The following PHACTR3 variants were observed in gnomAD, a reference collection of about 807,000 sequenced individuals.
PHACTR3 encodes protein phosphatase 1, regulatory subunit 123.
A neutral mutation model predicts 66.8 loss-of-function variants in PHACTR3; 16 were observed. The ratio of observed to expected loss-of-function variants is 0.24; its 90% CI spans 0.16 to 0.36. The LOEUF is 0.36. PHACTR3 is among the 10% of genes least tolerant of loss of function. The probability of loss-of-function intolerance (pLI) is 1.00; values close to 1 mark genes in which losing one functional copy is unlikely to be tolerated. For missense variants in PHACTR3, 647 were observed against 719.9 expected, an observed-to-expected ratio of 0.90 and a Z score of 1.16; for synonymous variants, 323 against 292.1, an observed-to-expected ratio of 1.11 and a Z score of -1.08.
intron 7 of PHACTR3, among the ~76,000 whole-genome samples, chr20:59,789,427 G>C (rs1353828688): frequency 2.0e-5 from 3 of 152,148 alleles, no homozygotes; most frequent in Admixed American, 1.3e-4. Flanking sequence ...GGTGCTAGGA[G>C]ATGTTGGGAG....
rs559431912 is a variant in PHACTR3 at position 59,738,038 on chromosome 20, G to A, written c.119-5069G>A. Among the ~76,000 whole-genome samples the A allele has an allele frequency of 3.7e-4, 57 of 152,230 alleles. No homozygotes were observed. Among genetic ancestry groups the A allele is most frequent in the Non-Finnish European group, 6.6e-4 (45 of 68,016 alleles). On this transcript the variant is annotated intron_variant, in intron 1 of 12. Transcript: ENST00000371015. The surrounding 1 kb of genome is among the most constrained non-coding windows in gnomAD (Gnocchi z 4.4). ...TGATTAAAATAGTGCAGGTAGTGACGGTGGTCCTGGCAGTGATGGTGGTAG... is the reference window on the plus strand; with the variant it reads ...TGATTAAAATAGTGCAGGTAGTGACAGTGGTCCTGGCAGTGATGGTGGTAG...
chr20:59,818,476 G>A (rs937210090), intron 8 of PHACTR3, among the ~76,000 whole-genome samples: 2 of 152,212 alleles, frequency 1.3e-5, no homozygotes, highest in African/African-American at 2.4e-5. Context: ...CATGCTTCAC[G>A]CACTTTAAGT....
upstream of PHACTR3, among the ~76,000 whole-genome samples, chr20:59,600,666 G>A (rs183580480): frequency 3.1e-3 from 479 of 152,326 alleles, 1 homozygote; most frequent in Non-Finnish European, 4.0e-3. Context: ...GGTTTTGTGA[G>A]TTTTGAAAGG....
upstream of PHACTR3, among the ~76,000 whole-genome samples, chr20:59,600,380 T>C (rs767064596): frequency 2.0e-5 from 3 of 152,250 alleles, no homozygotes; most frequent in Non-Finnish European, 4.4e-5. Flanking sequence ...GTGGTATTCC[T>C]GGCAAAGTGA....
rs193224943 is a variant in PHACTR3, at chr20:59,781,524, C to T, written c.1174+7034C>T. Among the ~76,000 whole-genome samples the T allele has an allele frequency of 1.5e-4, 23 of 152,298 alleles. No homozygotes were observed. In the East Asian group the frequency reaches 2.3e-3, roughly 15 times the overall value. The stretch of plus-strand genomic sequence containing the variant: ...GTTGTCCTGGGGGCGGATGAGACAA[C>T]GCTCATGGAGGGCCTGGCCTGTGTG... On this transcript the variant is annotated intron_variant, in intron 7 of 12. Transcript: ENST00000371015.
chr20:59,654,243 T>C (rs1269399310), intron 1 of PHACTR3, among the ~76,000 whole-genome samples: 1 of 152,240 alleles, frequency 6.6e-6, no homozygotes, highest in African/African-American at 2.4e-5. Context: ...AAACAAGCTT[T>C]TATTCTGCCT....
At chr20:59,729,477 A>G (rs551625980) in intron 1 of PHACTR3, among the ~76,000 whole-genome samples, 9 of 152,210 alleles carry the variant, frequency 5.9e-5, no homozygotes, top group African/African-American at 1.9e-4. Flanking sequence ...GACCAGAGAC[A>G]CCTTAGTGTC....
At chr20:59,746,488 A>G (rs946795003) in intron 2 of PHACTR3, among the ~76,000 whole-genome samples, 1 of 152,192 alleles carries the variant, frequency 6.6e-6, no homozygotes, top group Non-Finnish European at 1.5e-5. Context: ...ACACCTGATC[A>G]CCATGGCCTG....
chr20:59,585,958 CAT>C (rs1477150215), intron 1 of PHACTR3, among the ~76,000 whole-genome samples: 1 of 152,220 alleles, frequency 6.6e-6, no homozygotes, highest in East Asian at 1.9e-4. Flanking sequence ...CTCCTGAAAA[CAT>C]GTCGTATTTT....
Position 59,774,548 on chromosome 20 carries a change from A to G in PHACTR3, c.1174+58A>G. On this transcript the variant is annotated intron_variant, in intron 7 of 12. Transcript: ENST00000371015. ...TCTCGGCCAGAGGTCTAGTGTCACC[A>G]GGGGGTCGAGGACAGAGCTCGTGCC... 1.9e-6 allele frequency: 3 copies of G among 1,574,252 alleles called. 1 individual carries two copies. The South Asian group carries it at 3.6e-5, about 19-fold the overall frequency.
intron 1 of PHACTR3, among the ~76,000 whole-genome samples, chr20:59,634,254 T>G (rs1419324964): frequency 6.6e-6 from 1 of 152,222 alleles, no homozygotes; most frequent in Non-Finnish European, 1.5e-5. Context: ...GTGCAGCCTC[T>G]GAAATCAGGC....
upstream of PHACTR3, among the ~76,000 whole-genome samples, chr20:59,601,417 G>A (rs892046139): frequency 6.6e-6 from 1 of 152,194 alleles, no homozygotes; most frequent in African/African-American, 2.4e-5. Flanking sequence ...CCATTATGAA[G>A]CTTTGTTCAT....
At chr20:59,735,798 T>A (rs1031652395) in intron 1 of PHACTR3, among the ~76,000 whole-genome samples, 3 of 152,074 alleles carry the variant, frequency 2.0e-5, no homozygotes, top group African/African-American at 7.2e-5. Flanking sequence ...GAAATGCAGA[T>A]GACAGTCAAT....
intron 1 of PHACTR3, among the ~76,000 whole-genome samples, chr20:59,648,315 C>CT (rs11481908): frequency 0.13 from 19,421 of 152,140 alleles, 1,376 homozygotes; most frequent in South Asian, 0.22. Context: ...TTTCTCTTTC[C>CT]TATTAGTGAA....
At chr20:59,692,529 A>G (rs1206336014) in intron 1 of PHACTR3, among the ~76,000 whole-genome samples, 1 of 152,232 alleles carries the variant, frequency 6.6e-6, no homozygotes, top group African/African-American at 2.4e-5. Context: ...GATGCAAGCA[A>G]CAAACATTTT....
intron 1 of PHACTR3, among the ~76,000 whole-genome samples, chr20:59,731,280 G>T (rs575931332): frequency 3.3e-5 from 5 of 152,258 alleles, no homozygotes; most frequent in South Asian, 4.2e-4. Context: ...TAATCTCAGG[G>T]AAGAAGTTTG....
chr20:59,755,147 G>A, intron 3 of PHACTR3, 35 bp from the exon 4 acceptor site: 1 of 1,596,666 alleles, frequency 6.3e-7, no homozygotes, highest in Non-Finnish European at 8.5e-7. Context: ...AGGAAGGGAG[G>A]TGCAGGCCCA....
intron 1 of PHACTR3, among the ~76,000 whole-genome samples, chr20:59,656,838 A>G (rs1462729841): frequency 1.3e-5 from 2 of 151,908 alleles, no homozygotes; most frequent in Non-Finnish European, 2.9e-5. Flanking sequence ...TACCATATAC[A>G]TCTTAACTTA....
chr20:59,756,315 G>T (rs565220272), intron 4 of PHACTR3, among the ~76,000 whole-genome samples: 1 of 152,316 alleles, frequency 6.6e-6, no homozygotes, highest in African/African-American at 2.4e-5. Context: ...GAAGGTGAAC[G>T]CGTCTCTCCG....
Sources: gnomAD v4.1 joint callset for allele counts (sites outside exome capture counted in the v4.1 genomes callset) on GRCh38, gnomAD v4.1.1 for gene constraint, Gnocchi (gnomAD v3.1) non-coding constraint, MANE v1.5 for transcripts, NCBI Gene and HGNC (gene_info 2026-07-23, HGNC 2026-07-21) for gene names.